RAB5A: variants seen among roughly 807,000 people sequenced by gnomAD.
The protein encoded by RAB5A is ras-related protein Rab-5A.
RAB5A carries 8 observed loss-of-function variants against 25.7 expected under a neutral mutation model. That is an observed-to-expected ratio of 0.31 (90% confidence interval 0.18 to 0.56). RAB5A has a LOEUF of 0.56. Among genes scored for constraint, RAB5A ranks in the 20% least tolerant of loss-of-function variants. The pLI, the probability that RAB5A is intolerant of heterozygous loss-of-function variation, is 0.91. For synonymous variants in RAB5A, 98 were observed against 89.8 expected (o/e 1.09, Z -0.52); for missense variants, 192 against 259.7 (o/e 0.74, Z 1.79).
At chr3:19,954,871 A>AC (rs1696476609) in intron 2 of RAB5A, among the ~76,000 whole-genome samples, 1 of 152,046 alleles carries the variant, frequency 6.6e-6, no homozygotes. Context: ...CATGCATCCT[A>AC]CCCCTATAGC....
At chr3:19,979,002 A>C (rs1394680990) in intron 5 of RAB5A, 1 of 151,246 alleles carries the variant, frequency 6.6e-6, no homozygotes, top group African/African-American at 2.4e-5. Flanking sequence ...TTTTTGAGAC[A>C]GTCTCGCTCT....
chr3:19,959,182 C>G (rs577019623), intron 2 of RAB5A, among the ~76,000 whole-genome samples: 1 of 152,202 alleles, frequency 6.6e-6, no homozygotes, highest in South Asian at 2.1e-4. Context: ...TGAACTGCTA[C>G]TGATTCACTA....
chr3:19,949,041 C>A (rs1011387141), intron 1 of RAB5A, among the ~76,000 whole-genome samples: 1 of 152,070 alleles, frequency 6.6e-6, no homozygotes, highest in Admixed American at 6.6e-5. Flanking sequence ...GTCACATCAG[C>A]TATGCAAGTT....
intron 2 of RAB5A, among the ~76,000 whole-genome samples, chr3:19,971,310 A>G (rs1373010454): frequency 6.6e-6 from 1 of 152,034 alleles, no homozygotes; most frequent in Non-Finnish European, 1.5e-5. Context: ...AGTGGGCTAC[A>G]CTATTCCAGT....
At chr3:19,969,041 T>TG (rs1276793744) in intron 2 of RAB5A, among the ~76,000 whole-genome samples, 2 of 77,736 alleles carry the variant, frequency 2.6e-5, no homozygotes, top group African/African-American at 1.7e-4. Context: ...GTTTTTTTTT[T>TG]TTGGTTTTTT....
At position 19,951,215 on chromosome 3, in the gene RAB5A, A is replaced by T; in HGVS notation, c.163+154A>T. 4 of 748,516 alleles carry T rather than the reference A, an allele frequency of 5.3e-6. No individual in the cohort carries two copies. In the South Asian group the frequency reaches 1.0e-4, roughly 20 times the overall value. The allele number at this position is 748,516 out of a possible 1,614,324, so 46.4% of individuals were successfully genotyped here. A position where few individuals can be genotyped will look rare whatever the true frequency, so the allele number is the denominator to read the frequency against. ...TACCTTAGCTTTAAAACTTGCCTTTATCTTTGTTAAAATGATGTGTTTTTA... is the reference window on the plus strand; with the variant it reads ...TACCTTAGCTTTAAAACTTGCCTTTTTCTTTGTTAAAATGATGTGTTTTTA... On this transcript the variant is annotated intron_variant, in intron 2 of 5. Transcript: ENST00000273047.
At chr3:19,978,060 T>G (rs1189115102) in intron 4 of RAB5A, among the ~76,000 whole-genome samples, 1 of 152,188 alleles carries the variant, frequency 6.6e-6, no homozygotes, top group Non-Finnish European at 1.5e-5. Flanking sequence ...AGATTTAATG[T>G]AAGAAAAGAT....
intron 2 of RAB5A, among the ~76,000 whole-genome samples, chr3:19,962,413 C>A (rs1696599646): frequency 6.6e-6 from 1 of 151,720 alleles, no homozygotes; most frequent in Non-Finnish European, 1.5e-5. Context: ...ACTAAAAATA[C>A]AAAAATTAAC....
At position 19,947,218 on chromosome 3, in the gene RAB5A, A is replaced by G; in HGVS notation, c.-397A>G. 5.9e-6 allele frequency: 1 copy of G among 168,288 alleles called. No homozygotes were observed. The highest frequency in any genetic ancestry group is 1.2e-5 in the Non-Finnish European group (1 of 80,098). The allele number at this position is 168,288 out of a possible 1,614,324, so 10.4% of individuals were successfully genotyped here. A position where few individuals can be genotyped will look rare whatever the true frequency, so the allele number is the denominator to read the frequency against. On this transcript the variant is annotated 5_prime_UTR_variant, in exon 1 of 6. Transcript: ENST00000273047. ...AGGAGCCGGCGGCTGGCCTTAGGGGAGGAGGCAGAGGGAGGAGGAGGAGGA... is the reference window on the plus strand; with the variant it reads ...AGGAGCCGGCGGCTGGCCTTAGGGGGGGAGGCAGAGGGAGGAGGAGGAGGA...
intron 2 of RAB5A, among the ~76,000 whole-genome samples, chr3:19,971,663 C>A (rs151009295): frequency 1.1e-4 from 17 of 152,034 alleles, no homozygotes; most frequent in Non-Finnish European, 2.4e-4. Flanking sequence ...TTAGTAGAGA[C>A]GAGGTTTCGC....
intron 2 of RAB5A, among the ~76,000 whole-genome samples, chr3:19,963,035 C>G (rs1696610841): frequency 6.6e-6 from 1 of 152,150 alleles, no homozygotes; most frequent in Non-Finnish European, 1.5e-5. Context: ...TCTCAAACTC[C>G]TGGCCTCAAG....
intron 3 of RAB5A, 63 bp downstream of exon 3, chr3:19,975,815 T>C: frequency 1.3e-6 from 2 of 1,492,668 alleles, no homozygotes; most frequent in Non-Finnish European, 1.8e-6. Flanking sequence ...GTTCAGAATT[T>C]TGATTAAATG....
At chr3:19,975,085 G>A (rs1003135760) in intron 2 of RAB5A, among the ~76,000 whole-genome samples, 2 of 152,108 alleles carry the variant, frequency 1.3e-5, no homozygotes, top group Admixed American at 6.5e-5. Context: ...AATTAGCCAC[G>A]TGTGGTGGTG....
chr3:19,982,835 A>G (rs760665175), intron 5 of RAB5A, among the ~76,000 whole-genome samples: 1 of 152,060 alleles, frequency 6.6e-6, no homozygotes, highest in Non-Finnish European at 1.5e-5. Flanking sequence ...GGAAGGAAAT[A>G]GTAGATATGA....
At chr3:19,953,617 G>A (rs1468749069) in intron 2 of RAB5A, among the ~76,000 whole-genome samples, 2 of 151,946 alleles carry the variant, frequency 1.3e-5, no homozygotes, top group Admixed American at 6.6e-5. Context: ...CATGTCGGTC[G>A]GGTTGGTCTT....
chr3:19,971,453 T>G (rs1421956895), intron 2 of RAB5A, among the ~76,000 whole-genome samples: 6 of 152,026 alleles, frequency 3.9e-5, no homozygotes, highest in South Asian at 2.1e-4. Flanking sequence ...TGAACAGTAG[T>G]ACGGTGGTGG....
At chr3:19,949,068 G>A (rs1401215099) in intron 1 of RAB5A, among the ~76,000 whole-genome samples, 2 of 152,174 alleles carry the variant, frequency 1.3e-5, no homozygotes, top group African/African-American at 2.4e-5. Context: ...TATGGGAATA[G>A]AAACTTGGAA....
intron 4 of RAB5A, among the ~76,000 whole-genome samples, chr3:19,978,011 A>G (rs949625357): frequency 6.6e-6 from 1 of 152,248 alleles, no homozygotes; most frequent in Non-Finnish European, 1.5e-5. Context: ...TTAGAATAAG[A>G]TAATTCTCCC....
chr3:19,965,445 G>C (rs866364620), intron 2 of RAB5A, among the ~76,000 whole-genome samples: 1 of 151,428 alleles, frequency 6.6e-6, no homozygotes, highest in East Asian at 1.9e-4. Context: ...AACTTAGGGC[G>C]ACGATGTTCA....
Sources: gnomAD v4.1 joint callset for allele counts (sites outside exome capture counted in the v4.1 genomes callset) on GRCh38, gnomAD v4.1.1 for gene constraint, MANE v1.5 for transcripts, NCBI Gene and HGNC (gene_info 2026-07-23, HGNC 2026-07-21) for gene names.